The following LBP variants were observed in gnomAD, a reference collection of about 807,000 sequenced individuals.
LBP encodes the protein lipopolysaccharide-binding protein.
In LBP, 53 loss-of-function variants were observed where a neutral mutation model predicts 56.6. The observed-to-expected ratio is 0.94, with a 90% CI of 0.75 to 1.18. LBP has a LOEUF of 1.18. Among genes scored for constraint, LBP ranks in the 50% most tolerant of loss-of-function variants. The pLI is 0.00. For missense variants in LBP, 601 were observed against 598.3 expected, an observed-to-expected ratio of 1.00 and a Z score of -0.05; for synonymous variants, 227 against 247.5, an observed-to-expected ratio of 0.92 and a Z score of 0.78.
chr20:38,364,203 TG>T, intron 7 of LBP, 137 bp downstream of exon 7: 1 of 665,330 alleles, frequency 1.5e-6, no homozygotes, highest in Non-Finnish European at 2.7e-6. Context: ...CCGGGTGATA[TG>T]GAGTGGTGGG....
chr20:38,369,279 ATAT>A (rs992992860), intron 10 of LBP, 117 bp downstream of exon 10: 22 of 1,026,120 alleles, frequency 2.1e-5, no homozygotes, highest in Non-Finnish European at 3.1e-5. Context: ...CTCAACTTAA[ATAT>A]TACTTCCCGA....
chr20:38,362,346 C>T (rs2076863761), intron 6 of LBP, among the ~76,000 whole-genome samples: 1 of 144,592 alleles, frequency 6.9e-6, no homozygotes, highest in Admixed American at 6.7e-5. Flanking sequence ...GGCGTGAGAG[C>T]TCACGCCTGT....
chr20:38,365,717 A>ATATAT (rs1312577833), intron 8 of LBP, among the ~76,000 whole-genome samples: 1 of 43,724 alleles, frequency 2.3e-5, no homozygotes, highest in Admixed American at 2.8e-4. Context: ...AAAAAAAAAA[A>ATATAT]ATATATATAT....
At chr20:38,361,517 G>A (rs1316589293) in intron 6 of LBP, among the ~76,000 whole-genome samples, 1 of 151,880 alleles carries the variant, frequency 6.6e-6, no homozygotes, top group Non-Finnish European at 1.5e-5. Flanking sequence ...TGATCCTCCT[G>A]CCTCAGCCAC....
intron 9 of LBP, among the ~76,000 whole-genome samples, chr20:38,367,227 G>T (rs1416046414): frequency 6.6e-6 from 1 of 152,178 alleles, no homozygotes; most frequent in Non-Finnish European, 1.5e-5. Flanking sequence ...GCCAAGGTGG[G>T]TGGATTGCTT....
intron 5 of LBP, among the ~76,000 whole-genome samples, chr20:38,359,628 T>C (rs931879467): frequency 2.6e-5 from 4 of 152,154 alleles, no homozygotes; most frequent in Admixed American, 6.5e-5. Context: ...TCAATGATAT[T>C]GCATTAGTGT....
chr20:38,364,294 T>TACTTTGCC (rs886876355), intron 7 of LBP, among the ~76,000 whole-genome samples: 1 of 152,170 alleles, frequency 6.6e-6, no homozygotes, highest in African/African-American at 2.4e-5. Context: ...CTTCTTCCCC[T>TACTTTGCC]ACTTTGCCTT....
chr20:38,373,228 G>A, intron 13 of LBP, 93 bp downstream of exon 13: 1 of 1,084,504 alleles, frequency 9.2e-7, no homozygotes, highest in Non-Finnish European at 1.4e-6. Flanking sequence ...TCTCCTGGGG[G>A]CTGTATGACC....
At chr20:38,351,057 C>T in intron 3 of LBP, 118 bp downstream of exon 3, 1 of 1,364,568 alleles carries the variant, frequency 7.3e-7, no homozygotes, top group Non-Finnish European at 1.0e-6. Flanking sequence ...AGATGGAGTC[C>T]AAGCCCGGAG....
rs1161832860 is a variant in LBP, at chr20:38,354,357, T to C, written c.442T>C (p.Ser148Pro). The C allele has an allele frequency of 3.1e-6, 5 of 1,613,624 alleles. No homozygotes were observed. The highest frequency in any genetic ancestry group is 3.4e-6 in the Non-Finnish European group (4 of 1,179,916). Reference sequence around the variant, plus strand: ...GGTCAACCTCCTGTTGGGCAGCGAGTCCTCCGGGAGGCCCACAGTTACTGC... The same window carrying C: ...GGTCAACCTCCTGTTGGGCAGCGAGCCCTCCGGGAGGCCCACAGTTACTGC... ...ISVNLLLGSE[S>P]SGRPTVTASS... Residue 148 changes from serine (S) to proline (P), a missense_variant, in exon 4 of 15, where the codon TCC (serine) becomes CCC (proline). Physicochemically the swap from Ser to Pro is moderately conservative, Grantham distance 74. Transcript: ENST00000217407.
intron 14 of LBP, among the ~76,000 whole-genome samples, chr20:38,374,252 C>T (rs1485883603): frequency 1.3e-5 from 2 of 152,226 alleles, no homozygotes; most frequent in East Asian, 3.8e-4. Context: ...GCCACCACCA[C>T]ATCCCATCCC....
chr20:38,364,429 A>C, intron 7 of LBP, 147 bp from the exon 8 acceptor site: 1 of 781,950 alleles, frequency 1.3e-6, no homozygotes, highest in South Asian at 1.7e-5. Flanking sequence ...TGAGCTTTTC[A>C]TTAAAAGACA....
chr20:38,364,548 T>C, intron 7 of LBP, 28 bp from the exon 8 acceptor site: 1 of 1,612,776 alleles, frequency 6.2e-7, no homozygotes, highest in South Asian at 1.1e-5. Context: ...CTTTGAAAAG[T>C]CCAATTGGAC....
intron 9 of LBP, 132 bp downstream of exon 9, chr20:38,366,960 G>A: frequency 1.2e-6 from 1 of 814,706 alleles, no homozygotes; most frequent in African/African-American, 1.7e-5. Flanking sequence ...ACTGAAGGCT[G>A]GGGTGCTGCT....
chr20:38,372,882 T>G (rs1390198533), intron 12 of LBP, among the ~76,000 whole-genome samples, 190 bp from the exon 13 acceptor site: 3 of 152,190 alleles, frequency 2.0e-5, no homozygotes, highest in Non-Finnish European at 2.9e-5. Flanking sequence ...GACTGTCGGG[T>G]GTGTAACTTT....
At chr20:38,346,788 T>C in intron 1 of LBP, 148 bp downstream of exon 1, 4 of 1,084,354 alleles carry the variant, frequency 3.7e-6, no homozygotes, top group Non-Finnish European at 5.2e-6. Flanking sequence ...GCTCCTATTC[T>C]GGCCTTACTG....
At chr20:38,347,482 T>A (rs1251407884) in intron 1 of LBP, among the ~76,000 whole-genome samples, 3 of 151,972 alleles carry the variant, frequency 2.0e-5, no homozygotes, top group Non-Finnish European at 2.9e-5. Context: ...AGGCAGAGGT[T>A]GCAGTGAGCC....
At chr20:38,376,458 T>A (rs1330956099) in intron 14 of LBP, among the ~76,000 whole-genome samples, 167 bp from the exon 15 acceptor site, 1 of 152,186 alleles carries the variant, frequency 6.6e-6, no homozygotes, top group Non-Finnish European at 1.5e-5. Flanking sequence ...GGAAGAGCTG[T>A]GCTTTACGGA....
At chr20:38,376,524 A>G (rs2083959237) in intron 14 of LBP, 101 bp from the exon 15 acceptor site, 1 of 1,056,914 alleles carries the variant, frequency 9.5e-7, no homozygotes, top group Non-Finnish European at 1.5e-6. Context: ...ATTCTGGCAG[A>G]GCTTGTGTTT....
Sources: gnomAD v4.1 joint callset for allele counts (sites outside exome capture counted in the v4.1 genomes callset) on GRCh38, gnomAD v4.1.1 for gene constraint, MANE v1.5 for transcripts, NCBI Gene and HGNC (gene_info 2026-07-23, HGNC 2026-07-21) for gene names.